The following PCCA variants were observed in gnomAD, a reference collection of about 807,000 sequenced individuals.
The protein encoded by PCCA is propionyl-CoA carboxylase subunit alpha.
PCCA carries 74 observed loss-of-function variants against 101.3 expected under a neutral mutation model. The ratio of observed to expected loss-of-function variants is 0.73; its 90% CI spans 0.61 to 0.89. PCCA has a LOEUF of 0.89. Ranked by LOEUF, PCCA falls within the 40% of genes least tolerant of loss-of-function variation. The pLI is 0.00. For missense variants in PCCA, 891 were observed against 907.0 expected (o/e 0.98, Z 0.23); for synonymous variants, 294 against 313.6 (o/e 0.94, Z 0.66).
At chr13:100,299,250 A>G (rs1403057345) in intron 12 of PCCA, among the ~76,000 whole-genome samples, 1 of 152,222 alleles carries the variant, frequency 6.6e-6, no homozygotes, top group Non-Finnish European at 1.5e-5. Flanking sequence ...CAGTGGGTCC[A>G]CTTTTGGATC....
chr13:100,448,600 T>A (rs1408025028), intron 20 of PCCA, among the ~76,000 whole-genome samples: 1 of 152,214 alleles, frequency 6.6e-6, no homozygotes, highest in Admixed American at 6.5e-5. Context: ...AACTAAAATT[T>A]TAATAGTCAT....
chr13:100,432,340 G>A (rs1595882925), intron 20 of PCCA, among the ~76,000 whole-genome samples: 1 of 151,992 alleles, frequency 6.6e-6, no homozygotes, highest in Non-Finnish European at 1.5e-5. Flanking sequence ...CGCTTAATAC[G>A]ATCCTCAGTA....
At chr13:100,091,930 C>CT (rs201772415) in intron 1 of PCCA, among the ~76,000 whole-genome samples, 22 of 151,072 alleles carry the variant, frequency 1.5e-4, no homozygotes, top group East Asian at 7.8e-4. Context: ...CTTTGCTTTT[C>CT]TTTTTTTTTG....
intron 4 of PCCA, 199 bp from the exon 5 acceptor site, chr13:100,154,780 C>T: frequency 1.8e-6 from 1 of 571,084 alleles, no homozygotes. Context: ...ATGAATTAGG[C>T]TGTAATAAAT....
intron 12 of PCCA, among the ~76,000 whole-genome samples, chr13:100,274,038 C>A (rs2063481432): frequency 6.6e-6 from 1 of 152,126 alleles, no homozygotes; most frequent in Non-Finnish European, 1.5e-5. Context: ...ATCAACTGGG[C>A]CTAGAAGTAT....
At chr13:100,282,316 G>A (rs1409792888) in intron 12 of PCCA, among the ~76,000 whole-genome samples, 7 of 152,258 alleles carry the variant, frequency 4.6e-5, no homozygotes, top group South Asian at 2.1e-4. Flanking sequence ...CGCTCTCGGC[G>A]CCTCCTCTGC....
intron 21 of PCCA, among the ~76,000 whole-genome samples, chr13:100,478,601 C>T (rs1024844623): frequency 2.0e-5 from 3 of 152,148 alleles, no homozygotes; most frequent in African/African-American, 4.8e-5. Context: ...TTACCCTCGA[C>T]GCCATGATGA....
In PCCA at chr13:100,349,917, G is replaced by T. The variant is rs561532538; in HGVS notation, c.1643+9658G>T. Among the ~76,000 whole-genome samples the T allele has an allele frequency of 3.0e-4, 46 of 152,250 alleles. 1 individual carries two copies. Among genetic ancestry groups the T allele is most frequent in the South Asian group, 8.3e-4 (4 of 4,816 alleles). On this transcript the variant is annotated intron_variant, in intron 18 of 23. Coordinates refer to ENST00000376285, the MANE Select transcript of PCCA (RefSeq NM_000282.4). The stretch of plus-strand genomic sequence containing the variant: ...GTATTGTATTATCTTTCCTCATCTG[G>T]CTTCCTGATAAAATGGAGAATCGAT...
chr13:100,494,283 G>A (rs1344969115), intron 21 of PCCA, among the ~76,000 whole-genome samples: 3 of 152,208 alleles, frequency 2.0e-5, no homozygotes, highest in African/African-American at 7.2e-5. Flanking sequence ...TAGATGATGT[G>A]GGTTGTTATC....
intron 10 of PCCA, among the ~76,000 whole-genome samples, chr13:100,266,237 T>C (rs2062926743): frequency 6.6e-6 from 1 of 152,216 alleles, no homozygotes; most frequent in African/African-American, 2.4e-5. Context: ...GTCTTACTCA[T>C]TTGCTGTCCC....
Position 100,441,621 on chromosome 13 carries a change from CA to C in PCCA, c.1846-7627del, listed in dbSNP as rs375118606. Among the ~76,000 whole-genome samples, 124 of 152,098 alleles carry C rather than the reference CA, an allele frequency of 8.2e-4. 1 individual carries two copies. The highest frequency in any genetic ancestry group is 6.8e-3 in the Middle Eastern group (2 of 294). On this transcript the variant is annotated intron_variant, in intron 20 of 23. Transcript: ENST00000376285. ...TTATGTAAACATTGGAGCAGACTAT[CA>C]AAATAAGAAAAGGAGAACATTTTTA...
rs769123322 is a variant in PCCA at position 100,112,050 on chromosome 13, G to A, written c.289G>A (p.Asp97Asn). The change falls in exon 4 of 24, where the codon GAT becomes AAT. Residue 97 changes from aspartate (D) to asparagine (N), a missense_variant. Transcript: ENST00000376285. ...GACAGTTGCCATCCACAGTGATGTT[G>A]ATGCTAGTTCTGTAAGTATATTTTT... ...IKTVAIHSDV[D>N]ASSVHVKMAD... The A allele has an allele frequency of 4.3e-6, 7 of 1,609,712 alleles. No homozygotes were observed. In the South Asian group the frequency reaches 7.7e-5, roughly 18 times the overall value.
rs141962990 is a variant in PCCA at position 100,404,264 on chromosome 13, G to T, written c.1747-21369G>T. 3.4e-3 allele frequency among the ~76,000 whole-genome samples: 518 copies of T among 152,304 alleles called. 4 individuals carry two copies. Among genetic ancestry groups the T allele is most frequent in the Admixed American group, 6.5e-3 (99 of 15,304 alleles). ...ACAGGGAGAAGGAGGCCAAAAGCCC[G>T]ACTGGTCAGGAAAACTTCACACTTT... On this transcript the variant is annotated intron_variant, in intron 19 of 23. Transcript: ENST00000376285.
intron 21 of PCCA, among the ~76,000 whole-genome samples, chr13:100,451,544 A>C (rs2081228079): frequency 6.6e-6 from 1 of 152,122 alleles, no homozygotes; most frequent in African/African-American, 2.4e-5. Flanking sequence ...TGTCTCTGCT[A>C]CTTAGCATCT....
chr13:100,099,413 G>A (rs1434915364), intron 1 of PCCA, among the ~76,000 whole-genome samples: 1 of 151,006 alleles, frequency 6.6e-6, no homozygotes, highest in African/African-American at 2.4e-5. Context: ...TGCCTCCCGG[G>A]TTCACGCCAT....
chr13:100,161,223 G>A (rs1370381510), intron 6 of PCCA: 1 of 152,172 alleles, frequency 6.6e-6, no homozygotes, highest in African/African-American at 2.4e-5. Flanking sequence ...GTGTGGGCAA[G>A]GGTCACATAG....
intron 12 of PCCA, among the ~76,000 whole-genome samples, chr13:100,295,070 C>T (rs921804102): frequency 6.6e-6 from 1 of 152,142 alleles, no homozygotes; most frequent in Non-Finnish European, 1.5e-5. Flanking sequence ...ACATGCTTTT[C>T]ATCCTTGAGT....
Position 100,273,210 on chromosome 13 carries a change from C to T in PCCA, c.929C>T (p.Ala310Val), listed in dbSNP as rs146927771. The change falls in exon 12 of 24, where the codon GCG (alanine) becomes GTG (valine). Residue 310 changes from alanine to valine, a missense_variant. Ala to Val is a moderately conservative substitution (Grantham distance 64, BLOSUM62 0). Coordinates refer to ENST00000376285, the MANE Select transcript of PCCA (RefSeq NM_000282.4). ...VEEAPSIFLD[A>V]ETRRAMGEQA... is the part of the protein sequence containing the mutation. Reference sequence around the variant, plus strand: ...TGTATATGTAGCATTTTTTTGGATGCGGAGACTCGAAGAGCGATGGGAGAA... The same window carrying T: ...TGTATATGTAGCATTTTTTTGGATGTGGAGACTCGAAGAGCGATGGGAGAA... 6.3e-5 allele frequency: 101 copies of T among 1,612,502 alleles called. No individual in the cohort carries two copies. The highest frequency in any genetic ancestry group is 8.0e-5 in the Non-Finnish European group (94 of 1,178,730).
chr13:100,503,908 A>G (rs1220448509), intron 21 of PCCA, among the ~76,000 whole-genome samples: 1 of 152,176 alleles, frequency 6.6e-6, no homozygotes, highest in Non-Finnish European at 1.5e-5. Flanking sequence ...ATCCTCAATA[A>G]TAAGCAGTCT....
Sources: gnomAD v4.1 joint callset for allele counts (sites outside exome capture counted in the v4.1 genomes callset) on GRCh38, gnomAD v4.1.1 for gene constraint, MANE v1.5 for transcripts, NCBI Gene and HGNC (gene_info 2026-07-23, HGNC 2026-07-21) for gene names.